Variants in HYCC2 observed in about 807,000 individuals in gnomAD.
The protein encoded by HYCC2 is hyccin PI4KA lipid kinase complex subunit 2.
chr2:201,052,662 T>C, the HYCC2 span, among the ~76,000 whole-genome samples: 1 of 152,190 alleles, frequency 6.6e-6, no homozygotes, highest in Non-Finnish European at 1.5e-5. Context: ...TTCATTACAC[T>C]GGGCACAGAC....
chr2:201,042,426 G>C, the HYCC2 span, among the ~76,000 whole-genome samples: 2 of 151,762 alleles, frequency 1.3e-5, no homozygotes, highest in Non-Finnish European at 1.5e-5. Context: ...CATCATCTGG[G>C]ATGTGGGGAG....
At chr2:201,004,180 G>A in the HYCC2 span, among the ~76,000 whole-genome samples, 52 of 152,276 alleles carry the variant, frequency 3.4e-4, no homozygotes, top group African/African-American at 1.2e-3. Flanking sequence ...AGGCAGAAGG[G>A]TAATATAAAA....
At chr2:201,016,863 A>C in the HYCC2 span, 1 of 905,414 alleles carries the variant, frequency 1.1e-6, no homozygotes, top group East Asian at 2.7e-5. Context: ...GCCTCCCAAA[A>C]ATGCTGGGAT....
the HYCC2 span, among the ~76,000 whole-genome samples, chr2:201,057,795 A>AT: frequency 6.6e-6 from 1 of 152,186 alleles, no homozygotes; most frequent in Non-Finnish European, 1.5e-5. Context: ...CTTACAGAGA[A>AT]GTAGCCCTAC....
the HYCC2 span, among the ~76,000 whole-genome samples, chr2:201,023,209 C>G: frequency 2.6e-5 from 4 of 151,930 alleles, no homozygotes; most frequent in Non-Finnish European, 4.4e-5. Context: ...ATTAGCCAGG[C>G]GTGGTGGCGG....
the HYCC2 span, among the ~76,000 whole-genome samples, chr2:201,007,203 C>T: frequency 1.3e-5 from 2 of 152,024 alleles, no homozygotes; most frequent in Non-Finnish European, 2.9e-5. Context: ...AGGTGTTTCT[C>T]GACCTATGAT....
At chr2:201,002,474 T>C in the HYCC2 span, among the ~76,000 whole-genome samples, 1 of 152,116 alleles carries the variant, frequency 6.6e-6, no homozygotes, top group Non-Finnish European at 1.5e-5. Context: ...ATTGGTATAG[T>C]TGCTTTGGCA....
At chr2:201,005,028 A>G in the HYCC2 span, among the ~76,000 whole-genome samples, 1 of 152,004 alleles carries the variant, frequency 6.6e-6, no homozygotes, top group Non-Finnish European at 1.5e-5. Flanking sequence ...AAAAAAAAAA[A>G]AAAAAAAAGA....
the HYCC2 span, among the ~76,000 whole-genome samples, chr2:200,982,671 G>A: frequency 6.6e-6 from 1 of 152,118 alleles, no homozygotes; most frequent in Non-Finnish European, 1.5e-5. Context: ...TAGATTCTTA[G>A]TATTGAGATG....
the HYCC2 span, among the ~76,000 whole-genome samples, chr2:201,053,882 T>C: frequency 2.4e-3 from 365 of 152,334 alleles, 1 homozygote; most frequent in African/African-American, 8.1e-3. Flanking sequence ...GAGAATCGTT[T>C]GAACCCAGGA....
the HYCC2 span, among the ~76,000 whole-genome samples, chr2:201,010,629 A>G: frequency 4.6e-5 from 7 of 152,180 alleles, no homozygotes; most frequent in African/African-American, 1.7e-4. Flanking sequence ...ATTCCTTTAA[A>G]CTGAAATACA....
At chr2:201,009,115 CAA>C in the HYCC2 span, 2 of 1,316,772 alleles carry the variant, frequency 1.5e-6, no homozygotes, top group African/African-American at 2.9e-5. Flanking sequence ...CAGTATGAGA[CAA>C]TGTCTCTACC....
the HYCC2 span, among the ~76,000 whole-genome samples, chr2:201,065,856 AC>A: frequency 6.6e-6 from 1 of 152,226 alleles, no homozygotes; most frequent in African/African-American, 2.4e-5. Flanking sequence ...GATTAGAGAC[AC>A]AGATTGAGAA....
the HYCC2 span, among the ~76,000 whole-genome samples, chr2:201,040,066 T>C: frequency 1.3e-5 from 2 of 151,114 alleles, no homozygotes; most frequent in Non-Finnish European, 2.9e-5. Flanking sequence ...CCCAGCTACT[T>C]GGGAGGCTGG....
the HYCC2 span, chr2:200,981,348 C>T: frequency 6.2e-7 from 1 of 1,614,038 alleles, no homozygotes; most frequent in Admixed American, 1.7e-5. The surrounding 1 kb of genome is among the most constrained non-coding windows in gnomAD (Gnocchi z 4.5). Context: ...GGCTGAGGAG[C>T]TCTTTACCTT....
At chr2:200,997,667 A>C in the HYCC2 span, 1 of 607,032 alleles carries the variant, frequency 1.6e-6, no homozygotes, top group Non-Finnish European at 3.0e-6. Context: ...TCTTCCTCAA[A>C]GGTTTCCCTG....
the HYCC2 span, among the ~76,000 whole-genome samples, chr2:201,003,480 G>A: frequency 6.6e-6 from 1 of 152,046 alleles, no homozygotes. Flanking sequence ...GGAGGCTGAG[G>A]TGGGTGGATC....
chr2:201,010,965 T>A, the HYCC2 span, among the ~76,000 whole-genome samples: 2 of 151,822 alleles, frequency 1.3e-5, no homozygotes, highest in East Asian at 3.9e-4. Context: ...GCCAACATGG[T>A]GAAACCCCAT....
chr2:201,028,255 C>A, the HYCC2 span, among the ~76,000 whole-genome samples: 1 of 152,200 alleles, frequency 6.6e-6, no homozygotes, highest in East Asian at 1.9e-4. Context: ...ATCCAACTTA[C>A]AAGACATGTG....
Sources: gnomAD v4.1 joint callset for allele counts (sites outside exome capture counted in the v4.1 genomes callset) on GRCh38, gnomAD v4.1.1 for gene constraint, Gnocchi (gnomAD v3.1) non-coding constraint, MANE v1.5 for transcripts, NCBI Gene and HGNC (gene_info 2026-07-23, HGNC 2026-07-21) for gene names.